FOXP2: variants seen among roughly 807,000 people sequenced by gnomAD.
FOXP2 encodes forkhead box P2, also known as forkhead box protein P2.
In FOXP2, 12 loss-of-function variants were observed where a neutral mutation model predicts 115.8. The ratio of observed to expected loss-of-function variants is 0.10; its 90% CI spans 0.07 to 0.17. FOXP2 has a LOEUF of 0.17. Among genes scored for constraint, FOXP2 ranks in the 10% least tolerant of loss-of-function variants. The pLI, the probability that FOXP2 is intolerant of heterozygous loss-of-function variation, is 1.00. For missense variants in FOXP2, 629 were observed against 843.5 expected, an observed-to-expected ratio of 0.75 and a Z score of 3.15; for synonymous variants, 328 against 297.7, an observed-to-expected ratio of 1.10 and a Z score of -1.05.
At chr7:114,408,883 G>C (rs1793100099) in intron 2 of FOXP2, among the ~76,000 whole-genome samples, 1 of 151,968 alleles carries the variant, frequency 6.6e-6, no homozygotes, top group Non-Finnish European at 1.5e-5. Context: ...CTTTATTTTT[G>C]AATAATTGAC....
intron 8 of FOXP2, among the ~76,000 whole-genome samples, chr7:114,651,767 A>G (rs1806268267): frequency 6.6e-6 from 1 of 152,126 alleles, no homozygotes; most frequent in African/African-American, 2.4e-5. Flanking sequence ...CCACATCCCA[A>G]TGAAATAAAA....
chr7:114,620,189 TACACTAC>T (rs1298627801), intron 3 of FOXP2, among the ~76,000 whole-genome samples: 1 of 152,028 alleles, frequency 6.6e-6, no homozygotes, highest in African/African-American at 2.4e-5. Flanking sequence ...AGTTCATCGC[TACACTAC>T]AAAAGAACTT....
At chr7:114,555,891 C>T (rs934852133) in intron 3 of FOXP2, among the ~76,000 whole-genome samples, 5 of 152,106 alleles carry the variant, frequency 3.3e-5, no homozygotes, top group South Asian at 2.1e-4. Context: ...ATCATCACTA[C>T]GAATAGAAGA....
At chr7:114,274,816 T>C (rs28826002) in intron 1 of FOXP2, among the ~76,000 whole-genome samples, 1 of 151,244 alleles carries the variant, frequency 6.6e-6, no homozygotes, top group African/African-American at 2.4e-5. Context: ...TGTTTTTTTG[T>C]TTTTTTGTTT....
intron 2 of FOXP2, among the ~76,000 whole-genome samples, chr7:114,296,492 GT>G (rs36025607): frequency 0.088 from 13,153 of 149,554 alleles, 1,090 homozygotes; most frequent in African/African-American, 0.22. Flanking sequence ...ATCCTGTGGA[GT>G]TTTTTTTTTC....
At chr7:114,655,950 C>T (rs1806562756) in intron 10 of FOXP2, among the ~76,000 whole-genome samples, 1 of 152,154 alleles carries the variant, frequency 6.6e-6, no homozygotes, top group South Asian at 2.1e-4. Context: ...CCAACCTTGA[C>T]TATATTCAGA....
At chr7:114,670,864 G>A (rs542394098) in intron 16 of FOXP2, among the ~76,000 whole-genome samples, 2 of 152,126 alleles carry the variant, frequency 1.3e-5, no homozygotes, top group South Asian at 2.1e-4. Context: ...GACAACTTGA[G>A]CAAATGGAAT....
chr7:114,369,804 A>G (rs935574821), intron 2 of FOXP2, among the ~76,000 whole-genome samples: 1 of 152,112 alleles, frequency 6.6e-6, no homozygotes, highest in Non-Finnish European at 1.5e-5. Flanking sequence ...TCATTTTATT[A>G]TATGCTTAAT....
At chr7:114,297,679 C>T (rs1436661820) in intron 2 of FOXP2, among the ~76,000 whole-genome samples, 4 of 152,074 alleles carry the variant, frequency 2.6e-5, no homozygotes, top group African/African-American at 9.7e-5. Context: ...AGTTCTTGAC[C>T]ATAACTTTGA....
chr7:114,485,038 A>G (rs1370827605), intron 2 of FOXP2, among the ~76,000 whole-genome samples: 3 of 151,956 alleles, frequency 2.0e-5, no homozygotes, highest in Non-Finnish European at 4.4e-5. Context: ...GAATTTATGC[A>G]TAGCTGAGAA....
intron 2 of FOXP2, among the ~76,000 whole-genome samples, chr7:114,505,813 T>A (rs1010714890): frequency 3.3e-5 from 5 of 151,652 alleles, no homozygotes; most frequent in African/African-American, 7.2e-5. Context: ...GTAAAAGTCA[T>A]GTATTTTATG....
chr7:114,225,289 T>C (rs1794718294), intron 1 of FOXP2, among the ~76,000 whole-genome samples: 1 of 152,120 alleles, frequency 6.6e-6, no homozygotes, highest in South Asian at 2.1e-4. Flanking sequence ...TAAATTTATC[T>C]GGGTCTTGTA....
intron 2 of FOXP2, among the ~76,000 whole-genome samples, chr7:114,457,835 T>C (rs1227815804): frequency 6.7e-6 from 1 of 149,612 alleles, no homozygotes; most frequent in Non-Finnish European, 1.5e-5. Flanking sequence ...GAGGCAGAGC[T>C]CGCAGTGAGC....
intron 3 of FOXP2, among the ~76,000 whole-genome samples, chr7:114,614,799 A>T (rs1405282473): frequency 6.6e-6 from 1 of 152,196 alleles, no homozygotes. Flanking sequence ...TGTCCATCTG[A>T]TGCTTTGAAT....
chr7:114,630,838 T>C (rs927935563), intron 5 of FOXP2, among the ~76,000 whole-genome samples: 4 of 152,146 alleles, frequency 2.6e-5, no homozygotes, highest in Non-Finnish European at 5.9e-5. Context: ...AGTTTCTCTT[T>C]TCCCCAAACT....
At chr7:114,260,919 C>A (rs1795733660) in intron 1 of FOXP2, among the ~76,000 whole-genome samples, 1 of 151,990 alleles carries the variant, frequency 6.6e-6, no homozygotes, top group East Asian at 1.9e-4. Flanking sequence ...AGAAGAGCTG[C>A]ATATTTTTGA....
At chr7:114,320,630 T>C (rs1411016552) in intron 2 of FOXP2, among the ~76,000 whole-genome samples, 2 of 152,166 alleles carry the variant, frequency 1.3e-5, no homozygotes, top group Non-Finnish European at 2.9e-5. Context: ...TGAGGAGTCA[T>C]TCTCAGAGTC....
At chr7:114,433,776 A>T (rs1341777814) in intron 2 of FOXP2, among the ~76,000 whole-genome samples, 1 of 151,998 alleles carries the variant, frequency 6.6e-6, no homozygotes, top group Admixed American at 6.6e-5. Flanking sequence ...AAAAGCAAAT[A>T]GATTTCATAG....
At chr7:114,542,783 T>G (rs960467415) in intron 3 of FOXP2, among the ~76,000 whole-genome samples, 2 of 143,336 alleles carry the variant, frequency 1.4e-5, no homozygotes, top group African/African-American at 2.8e-5. Context: ...TTGTTTTTGT[T>G]TTTGTTTTTT....
Sources: gnomAD v4.1 joint callset for allele counts (sites outside exome capture counted in the v4.1 genomes callset) on GRCh38, gnomAD v4.1.1 for gene constraint, MANE v1.5 for transcripts, NCBI Gene and HGNC (gene_info 2026-07-23, HGNC 2026-07-21) for gene names.